The following MPRIP variants were observed in gnomAD, a reference collection of about 807,000 sequenced individuals.
MPRIP encodes myosin phosphatase Rho interacting protein.
MPRIP carries 59 observed loss-of-function variants against 234.9 expected under a neutral mutation model. The observed-to-expected ratio is 0.25, with a 90% CI of 0.20 to 0.31. The LOEUF is 0.31. Among genes scored for constraint, MPRIP ranks in the 10% least tolerant of loss-of-function variants. The pLI is 1.00. For synonymous variants in MPRIP, 1,144 were observed against 1,263.9 expected (o/e 0.91, Z 2.01); for missense variants, 2,436 against 3,071.0 (o/e 0.79, Z 4.89).
At chr17:17,081,554 C>T (rs1189775494) in intron 3 of MPRIP, among the ~76,000 whole-genome samples, 1 of 152,230 alleles carries the variant, frequency 6.6e-6, no homozygotes, top group Non-Finnish European at 1.5e-5. Context: ...GGGGAAAATT[C>T]GGTTACCTCA....
chr17:17,056,519 A>G (rs564214163), intron 1 of MPRIP, among the ~76,000 whole-genome samples: 4 of 151,794 alleles, frequency 2.6e-5, no homozygotes, highest in Non-Finnish European at 4.4e-5. Context: ...GCCCAGTGGG[A>G]GTTGGGGGTA....
intron 1 of MPRIP, chr17:17,057,804 GA>G: frequency 1.5e-6 from 1 of 683,542 alleles, no homozygotes; most frequent in Non-Finnish European, 2.7e-6. Context: ...GACCTCCAGG[GA>G]TCTTCACAGT....
rs2045986725 is a variant in MPRIP, at chr17:17,166,026, C to T, written c.4435C>T (p.Leu1479=). 1 of 1,304,086 alleles carries T rather than the reference C, an allele frequency of 7.7e-7. No individual in the cohort carries two copies. The highest frequency in any genetic ancestry group is 1.0e-6 in the Non-Finnish European group (1 of 988,856). The allele number at this position is 1,304,086 out of a possible 1,614,324, so 80.8% of individuals were successfully genotyped here. The change falls in exon 16 of 24, where the codon CTG becomes TTG. Residue 1479 remains leucine (L), a synonymous_variant. Coordinates refer to ENST00000651222, the MANE Select transcript of MPRIP (RefSeq NM_001364716.4). The surrounding 1 kb of genome is among the most constrained non-coding windows in gnomAD (Gnocchi z 4.4). The part of the protein sequence containing the change: ...QVKNSQALMC[L]ENCREQLRSL... The stretch of plus-strand genomic sequence containing the variant: ...CAAGAATAGTCAGGCCCTGATGTGC[C>T]TGGAAAATTGCCGAGAACAACTGAG...
At chr17:17,125,618 G>C (rs1178505101) in intron 3 of MPRIP, among the ~76,000 whole-genome samples, 1 of 152,218 alleles carries the variant, frequency 6.6e-6, no homozygotes, top group African/African-American at 2.4e-5. Context: ...AGAAGGTCGG[G>C]GTGTGGAGAG....
intron 1 of MPRIP, among the ~76,000 whole-genome samples, chr17:17,051,896 G>A (rs2088553492): frequency 6.6e-6 from 1 of 152,254 alleles, no homozygotes; most frequent in South Asian, 2.1e-4. Context: ...GCGCAGCTTG[G>A]CGGTTGCATG....
intron 3 of MPRIP, among the ~76,000 whole-genome samples, chr17:17,121,551 G>A (rs537236405): frequency 1.1e-4 from 16 of 152,370 alleles, no homozygotes; most frequent in African/African-American, 3.8e-4. Context: ...GCAAACATGA[G>A]CACCATTGTG....
At chr17:17,140,902 C>G (rs893453000) in intron 7 of MPRIP, among the ~76,000 whole-genome samples, 6 of 152,126 alleles carry the variant, frequency 3.9e-5, no homozygotes, top group Non-Finnish European at 8.8e-5. Context: ...GGGTGCAGGC[C>G]CCGTTTTCTG....
chr17:17,083,472 C>G (rs1445968804), intron 3 of MPRIP, among the ~76,000 whole-genome samples: 1 of 152,154 alleles, frequency 6.6e-6, no homozygotes, highest in Admixed American at 6.5e-5. Context: ...TGACAAATTT[C>G]TGCAATTTTT....
chr17:17,070,181 T>C (rs1479697376), intron 1 of MPRIP, among the ~76,000 whole-genome samples: 1 of 152,226 alleles, frequency 6.6e-6, no homozygotes, highest in Non-Finnish European at 1.5e-5. Context: ...TTGAGATTTT[T>C]TTTCTCTGGC....
chr17:17,080,988 C>T (rs1433644195), intron 3 of MPRIP, among the ~76,000 whole-genome samples: 1 of 152,160 alleles, frequency 6.6e-6, no homozygotes, highest in Non-Finnish European at 1.5e-5. Flanking sequence ...ATAGGTGGCA[C>T]TCCCTACGTG....
chr17:17,160,199 C>T (rs2045832516), intron 14 of MPRIP, among the ~76,000 whole-genome samples: 1 of 152,270 alleles, frequency 6.6e-6, no homozygotes, highest in East Asian at 1.9e-4. Flanking sequence ...AACCCCGTCT[C>T]TACTAAAAAT....
At chr17:17,103,787 A>G (rs996573274) in intron 3 of MPRIP, among the ~76,000 whole-genome samples, 8 of 152,236 alleles carry the variant, frequency 5.3e-5, no homozygotes, top group Non-Finnish European at 1.2e-4. Flanking sequence ...ATGCTGTCCT[A>G]CATCCTGCCT....
At chr17:17,146,533 C>T (rs907862736) in intron 10 of MPRIP, among the ~76,000 whole-genome samples, 1 of 152,206 alleles carries the variant, frequency 6.6e-6, no homozygotes, top group African/African-American at 2.4e-5. Flanking sequence ...AGAGACCCCT[C>T]AGCTGCAGTG....
At chr17:17,077,302 C>T (rs1049009047) in intron 2 of MPRIP, 5 of 152,416 alleles carry the variant, frequency 3.3e-5, no homozygotes, top group African/African-American at 1.2e-4. Context: ...AGACATACAC[C>T]GCATAGTCCA....
rs2088581899 is a variant in MPRIP at position 17,052,786 on chromosome 17, A to G, written c.123+9815A>G. ...TAGGCAGCAGCCACACCTTTGGCAC[A>G]GCTCTGAACAGGAAGCACAATTTTT... On this transcript the variant is annotated intron_variant, in intron 1 of 23. Transcript: ENST00000651222. 2.6e-5 allele frequency among the ~76,000 whole-genome samples: 4 copies of G among 152,352 alleles called. 1 individual carries two copies. In the South Asian group the frequency reaches 8.3e-4, roughly 32 times the overall value.
intron 3 of MPRIP, among the ~76,000 whole-genome samples, chr17:17,081,429 AAG>A (rs2144079622): frequency 6.6e-6 from 1 of 152,366 alleles, no homozygotes; most frequent in Non-Finnish European, 1.5e-5. Context: ...CGGGTAGGAA[AAG>A]AGAGAAGATA....
At chr17:17,139,965 G>A (rs2090779002) in intron 7 of MPRIP, among the ~76,000 whole-genome samples, 1 of 152,264 alleles carries the variant, frequency 6.6e-6, no homozygotes, top group Admixed American at 6.5e-5. Context: ...TCAGGAGTAG[G>A]TGACTTCTCA....
chr17:17,180,881 C>T (rs1306247890), intron 23 of MPRIP, among the ~76,000 whole-genome samples: 1 of 152,244 alleles, frequency 6.6e-6, no homozygotes, highest in East Asian at 1.9e-4. Flanking sequence ...GCCTGGTGGG[C>T]AGGCAGAGAG....
intron 1 of MPRIP, among the ~76,000 whole-genome samples, chr17:17,071,251 A>C (rs1253166003): frequency 6.6e-6 from 1 of 152,096 alleles, no homozygotes; most frequent in African/African-American, 2.4e-5. Flanking sequence ...GTTCTTGTCT[A>C]AGAGTTTTCT....
Sources: gnomAD v4.1 joint callset for allele counts (sites outside exome capture counted in the v4.1 genomes callset) on GRCh38, gnomAD v4.1.1 for gene constraint, Gnocchi (gnomAD v3.1) non-coding constraint, MANE v1.5 for transcripts, NCBI Gene and HGNC (gene_info 2026-07-23, HGNC 2026-07-21) for gene names.